Variants in UST observed in about 807,000 individuals in gnomAD.
UST encodes the protein chondroitin sulfate 2-O-sulfotransferase.
A neutral mutation model predicts 45.6 loss-of-function variants in UST; 21 were observed. That is an observed-to-expected ratio of 0.46 (90% CI 0.33 to 0.66). The LOEUF (loss-of-function observed/expected upper bound fraction) is 0.66. UST is among the 30% of genes least tolerant of loss of function. The probability of loss-of-function intolerance (pLI) is 0.02; values close to 1 mark genes in which losing one functional copy is unlikely to be tolerated. For missense variants in UST, 463 were observed against 512.4 expected (o/e 0.90, Z 0.93); for synonymous variants, 215 against 200.6 (o/e 1.07, Z -0.61).
At chr6:148,939,794 G>A (rs138656338) in intron 2 of UST, among the ~76,000 whole-genome samples, 96 of 152,144 alleles carry the variant, frequency 6.3e-4, no homozygotes, top group African/African-American at 2.2e-3. Flanking sequence ...ATATCTTTAC[G>A]ATCTTAGATT....
At chr6:148,983,952 G>A (rs1430821680) in intron 5 of UST, among the ~76,000 whole-genome samples, 2 of 152,080 alleles carry the variant, frequency 1.3e-5, no homozygotes, top group Non-Finnish European at 2.9e-5. Flanking sequence ...CGATGCCAGT[G>A]GCTGAAATTT....
chr6:148,944,613 A>G (rs1299531542), intron 3 of UST, among the ~76,000 whole-genome samples: 1 of 152,166 alleles, frequency 6.6e-6, no homozygotes, highest in Non-Finnish European at 1.5e-5. Context: ...AAGGAAAGGG[A>G]GTGTGAAGAC....
intron 7 of UST, among the ~76,000 whole-genome samples, chr6:149,043,001 TTCTTTCTTTCTTTCTTTCTTTTTCTTTC>T (rs1776340714): frequency 8.5e-6 from 1 of 118,098 alleles, no homozygotes; most frequent in African/African-American, 4.0e-5. Context: ...CTTTCTTTCT[TTCTTTCTTTCTTTCTTTCTTTTTCTTTC>T]TTTCTTTCTT....
rs191108327 is a variant in UST at position 149,025,908 on chromosome 6, G to T, written c.937+4427G>T. Among the ~76,000 whole-genome samples the T allele has an allele frequency of 5.9e-5, 9 of 152,182 alleles. No homozygotes were observed. The East Asian group carries it at 1.5e-3, about 26-fold the overall frequency. ...TCACACCTGTAATCCCAGCACTTTG[G>T]GAGGCCAAGGTGGGTGGATCACGAG... On this transcript the variant is annotated intron_variant, in intron 7 of 7. Transcript: ENST00000367463.
chr6:148,999,208 A>G (rs1241670228), intron 5 of UST, among the ~76,000 whole-genome samples: 1 of 152,268 alleles, frequency 6.6e-6, no homozygotes, highest in East Asian at 1.9e-4. Flanking sequence ...TACTGGTGAA[A>G]TTTTTATGAT....
intron 1 of UST, among the ~76,000 whole-genome samples, chr6:148,815,471 C>G (rs554491544): frequency 9.2e-4 from 140 of 152,254 alleles, no homozygotes; most frequent in African/African-American, 3.3e-3. Flanking sequence ...GAAGCCAAGC[C>G]TCTGCCCCAC....
At chr6:148,830,409 A>G (rs558475842) in intron 1 of UST, among the ~76,000 whole-genome samples, 1 of 152,332 alleles carries the variant, frequency 6.6e-6, no homozygotes, top group African/African-American at 2.4e-5. Context: ...ATTCTATCCA[A>G]TTCTATCCCC....
chr6:149,025,980 C>G (rs554842812), intron 7 of UST, among the ~76,000 whole-genome samples: 14 of 152,078 alleles, frequency 9.2e-5, no homozygotes, highest in Non-Finnish European at 2.1e-4. Context: ...AACCCCATCT[C>G]TACTAAAAAT....
In UST at chr6:149,075,355, A is replaced by G. The variant is rs1467456763; in HGVS notation, c.*1239A>G. 1 of 152,206 alleles carries G rather than the reference A, an allele frequency of 6.6e-6. No homozygotes were observed. Among genetic ancestry groups the G allele is most frequent in the Non-Finnish European group, 1.5e-5 (1 of 68,058 alleles). The allele number at this position is 152,206 out of a possible 1,614,324, so 9.4% of individuals were successfully genotyped here. On this transcript the variant is annotated 3_prime_UTR_variant, in exon 8 of 8. Transcript: ENST00000367463. ...TCTGTGCAGGTGGAAGAGCTACCCGAGAACTACCTGAGTTCTGTGCAGGTA... is the reference window on the plus strand; with the variant it reads ...TCTGTGCAGGTGGAAGAGCTACCCGGGAACTACCTGAGTTCTGTGCAGGTA...
intron 7 of UST, among the ~76,000 whole-genome samples, chr6:149,025,786 A>G (rs1181871378): frequency 6.6e-6 from 1 of 152,158 alleles, no homozygotes; most frequent in African/African-American, 2.4e-5. Flanking sequence ...CAAGGCAGAC[A>G]GATCACTTGA....
chr6:148,751,698 C>A (rs1274932866), intron 1 of UST, among the ~76,000 whole-genome samples: 2 of 152,078 alleles, frequency 1.3e-5, no homozygotes, highest in African/African-American at 4.8e-5. Flanking sequence ...GCAAATGCTA[C>A]ACTTAAGCTT....
At chr6:148,896,284 C>T (rs1299113363) in intron 2 of UST, among the ~76,000 whole-genome samples, 1 of 152,210 alleles carries the variant, frequency 6.6e-6, no homozygotes, top group East Asian at 1.9e-4. Context: ...ACCTCAAAGC[C>T]TATTTTTCAG....
chr6:148,795,289 A>G (rs895408274), intron 1 of UST, among the ~76,000 whole-genome samples: 5 of 152,168 alleles, frequency 3.3e-5, no homozygotes, highest in South Asian at 2.1e-4. Context: ...CTGGAGACAG[A>G]GGCTCAGTTG....
intron 2 of UST, among the ~76,000 whole-genome samples, chr6:148,929,330 G>T (rs1026968545): frequency 1.3e-5 from 2 of 152,198 alleles, no homozygotes; most frequent in African/African-American, 2.4e-5. Flanking sequence ...CTCATGGCTA[G>T]TTGAGATGTA....
chr6:148,852,388 G>A (rs2114787661), intron 1 of UST, among the ~76,000 whole-genome samples: 1 of 152,318 alleles, frequency 6.6e-6, no homozygotes, highest in East Asian at 1.9e-4. Flanking sequence ...CCTGGATCTG[G>A]ATGTGTGTTT....
At chr6:148,890,305 G>A (rs1427055509) in intron 2 of UST, among the ~76,000 whole-genome samples, 1 of 152,112 alleles carries the variant, frequency 6.6e-6, no homozygotes, top group African/African-American at 2.4e-5. Flanking sequence ...CCCTGGGGTG[G>A]GGCCTCAGTG....
At chr6:148,891,533 G>C (rs1779018861) in intron 2 of UST, among the ~76,000 whole-genome samples, 1 of 152,196 alleles carries the variant, frequency 6.6e-6, no homozygotes, top group South Asian at 2.1e-4. Context: ...ACAGATAAGG[G>C]AGCTGGATTT....
chr6:149,001,592 A>G (rs1243558219), intron 5 of UST, among the ~76,000 whole-genome samples: 1 of 152,148 alleles, frequency 6.6e-6, no homozygotes, highest in African/African-American at 2.4e-5. Flanking sequence ...AAGTGTTGAG[A>G]TAAAAAAATT....
intron 1 of UST, among the ~76,000 whole-genome samples, chr6:148,808,181 C>A (rs1405740048): frequency 6.6e-6 from 1 of 152,168 alleles, no homozygotes; most frequent in Non-Finnish European, 1.5e-5. Context: ...TGGGTCTCCA[C>A]ACACAGAAAG....
Sources: allele counts gnomAD v4.1 joint callset (sites outside exome capture counted in the v4.1 genomes callset), GRCh38; gene constraint gnomAD v4.1.1; transcripts MANE v1.5; gene names NCBI Gene and HGNC (gene_info 2026-07-23, HGNC 2026-07-21).